NUDT3: variants seen among roughly 807,000 people sequenced by gnomAD.
NUDT3 encodes diphosphoinositol polyphosphate phosphohydrolase 1.
A neutral mutation model predicts 23.6 loss-of-function variants in NUDT3; 9 were observed. That is an observed-to-expected ratio of 0.38 (90% CI 0.23 to 0.66). The LOEUF is 0.66. Among genes scored for constraint, NUDT3 ranks in the 30% least tolerant of loss-of-function variants. NUDT3 has a pLI of 0.52. For missense variants in NUDT3, 172 were observed against 218.5 expected (o/e 0.79, Z 1.34); for synonymous variants, 86 against 82.6 (o/e 1.04, Z -0.22).
At chr6:34,290,687 CT>C (rs1282705613) in intron 4 of NUDT3, among the ~76,000 whole-genome samples, 2 of 147,394 alleles carry the variant, frequency 1.4e-5, no homozygotes, top group East Asian at 2.0e-4. Context: ...GTGAGACTGT[CT>C]TTTTTTTTAA....
chr6:34,344,032 G>T, intron 1 of NUDT3, among the ~76,000 whole-genome samples: 1 of 152,104 alleles, frequency 6.6e-6, no homozygotes, highest in Admixed American at 6.6e-5. Context: ...CAACCAAACA[G>T]CATAAGAAGT....
rs1194325581 is a variant in NUDT3 at position 34,286,612 on chromosome 6, C to A, written c.*2141G>T. ...GAAGGATGTGTGAATAGTAAGTTGG[C>A]ATTCAGACTCAAGTCCCATGGTATT... On this transcript the variant is annotated 3_prime_UTR_variant, in exon 5 of 5. Transcript: ENST00000607016. 6.6e-6 allele frequency: 1 copy of A among 151,940 alleles called. No individual in the cohort carries two copies. The highest frequency in any genetic ancestry group is 2.4e-5 in the African/African-American group (1 of 41,342). The allele number at this position is 151,940 out of a possible 1,614,324, so 9.4% of individuals were successfully genotyped here.
At chr6:34,376,556 C>A (rs557262297) in intron 1 of NUDT3, among the ~76,000 whole-genome samples, 2 of 152,172 alleles carry the variant, frequency 1.3e-5, no homozygotes, top group Non-Finnish European at 2.9e-5. Context: ...GGATTACAGG[C>A]GTGAGCCACC....
rs923334343 is a variant in NUDT3 at position 34,280,180 on chromosome 6, C to T, written c.*8573G>A. On this transcript the variant is annotated 3_prime_UTR_variant, in exon 5 of 5. Transcript: ENST00000607016. ...AGGAAACAGGAAAACTATTTCCTTC[C>T]GCCTTCTCTGGACCAAATTTCACTC... 1.3e-5 allele frequency: 2 copies of T among 152,188 alleles called. No individual in the cohort carries two copies. Among genetic ancestry groups the T allele is most frequent in the African/African-American group, 2.4e-5 (1 of 41,428 alleles). 9.4% of individuals were successfully genotyped at this position (152,188 alleles called of 1,614,324 possible). A position where few individuals can be genotyped will look rare whatever the true frequency, so the allele number is the denominator to read the frequency against.
chr6:34,375,187 T>C (rs1234445707), intron 1 of NUDT3, among the ~76,000 whole-genome samples: 2 of 151,838 alleles, frequency 1.3e-5, no homozygotes, highest in Non-Finnish European at 2.9e-5. Flanking sequence ...TACTAAAAAA[T>C]ACAAAAATTA....
At chr6:34,375,245 G>A (rs1260891757) in intron 1 of NUDT3, among the ~76,000 whole-genome samples, 4 of 152,194 alleles carry the variant, frequency 2.6e-5, no homozygotes, top group Non-Finnish European at 5.9e-5. Context: ...TCGGGAGGCT[G>A]AGGCAGGGGA....
chr6:34,387,190 T>G (rs1194365144), intron 1 of NUDT3, among the ~76,000 whole-genome samples: 1 of 152,072 alleles, frequency 6.6e-6, no homozygotes, highest in Non-Finnish European at 1.5e-5. Context: ...TACTGGTTTC[T>G]GTATTTACTA....
intron 1 of NUDT3, among the ~76,000 whole-genome samples, chr6:34,354,871 T>C (rs1308744635): frequency 6.6e-6 from 1 of 150,916 alleles, no homozygotes; most frequent in Non-Finnish European, 1.5e-5. Context: ...GTATACTTTA[T>C]ATTCTATGCC....
intron 2 of NUDT3, among the ~76,000 whole-genome samples, chr6:34,314,267 A>G (rs982253700): frequency 4.0e-5 from 6 of 150,850 alleles, no homozygotes; most frequent in African/African-American, 1.5e-4. Context: ...TACTGAAAAT[A>G]TAAGGCCGGG....
chr6:34,306,642 C>A (rs1763682644), intron 2 of NUDT3, among the ~76,000 whole-genome samples: 1 of 152,236 alleles, frequency 6.6e-6, no homozygotes. Context: ...AATTCCACCT[C>A]TATTCAGGGT....
intron 1 of NUDT3, among the ~76,000 whole-genome samples, chr6:34,370,451 T>C (rs1764809058): frequency 6.6e-6 from 1 of 152,210 alleles, no homozygotes; most frequent in Non-Finnish European, 1.5e-5. Context: ...CAGTCACATC[T>C]GTTCTTCAGC....
rs182310001 is a variant in NUDT3, at chr6:34,302,880, G to A, written c.211-7195C>T. Among the ~76,000 whole-genome samples the A allele has an allele frequency of 4.4e-3, 667 of 152,310 alleles. 2 individuals are homozygous for A. The highest frequency in any genetic ancestry group is 0.015 in the African/African-American group (633 of 41,554). On this transcript the variant is annotated intron_variant, in intron 2 of 4. Coordinates refer to ENST00000607016, the MANE Select transcript of NUDT3 (RefSeq NM_006703.4). ...AATAGCCAATGGTCTAGAGACTCCA[G>A]AATAGAGCCACAGATATTACTGTTT... is the stretch of plus-strand genomic sequence containing the variant.
At chr6:34,297,080 C>T (rs1326084566) in intron 2 of NUDT3, among the ~76,000 whole-genome samples, 2 of 151,642 alleles carry the variant, frequency 1.3e-5, no homozygotes, top group Non-Finnish European at 2.9e-5. Context: ...TACAGGTGCC[C>T]GCCACCACGC....
chr6:34,293,197 C>A (rs112289157), intron 4 of NUDT3, among the ~76,000 whole-genome samples: 1,617 of 152,236 alleles, frequency 0.011, 29 homozygotes, highest in African/African-American at 0.037. Context: ...TGAGAAGCTG[C>A]GACCACAGGC....
chr6:34,313,494 C>T (rs1212024003), intron 2 of NUDT3, among the ~76,000 whole-genome samples: 2 of 152,066 alleles, frequency 1.3e-5, no homozygotes, highest in Admixed American at 6.5e-5. Context: ...CTTATGAAAA[C>T]GAGGGATTCG....
At chr6:34,352,281 C>G (rs1764490647) in intron 1 of NUDT3, among the ~76,000 whole-genome samples, 1 of 152,114 alleles carries the variant, frequency 6.6e-6, no homozygotes, top group African/African-American at 2.4e-5. Context: ...CCTCTCAACA[C>G]CCCCCACCCA....
intron 2 of NUDT3, among the ~76,000 whole-genome samples, chr6:34,320,157 C>G (rs1008841861): frequency 1.3e-5 from 2 of 152,078 alleles, no homozygotes; most frequent in African/African-American, 4.8e-5. Context: ...AAAACTCACA[C>G]AAAAGGAAAT....
chr6:34,322,441 G>C (rs566688066), intron 2 of NUDT3, among the ~76,000 whole-genome samples: 2 of 151,350 alleles, frequency 1.3e-5, no homozygotes, highest in South Asian at 2.1e-4. Flanking sequence ...GTGTTAGCCA[G>C]GATGGTCTTG....
At chr6:34,354,077 C>A (rs778948510) in intron 1 of NUDT3, among the ~76,000 whole-genome samples, 2 of 151,454 alleles carry the variant, frequency 1.3e-5, no homozygotes, top group East Asian at 4.0e-4. Context: ...ACCATCAAGC[C>A]CGGCTAATTT....
Sources: gnomAD v4.1 joint callset for allele counts (sites outside exome capture counted in the v4.1 genomes callset) on GRCh38, gnomAD v4.1.1 for gene constraint, MANE v1.5 for transcripts, NCBI Gene and HGNC (gene_info 2026-07-23, HGNC 2026-07-21) for gene names.